Variants in DHX29 observed in about 807,000 individuals in gnomAD.
The protein encoded by DHX29 is ATP-dependent RNA helicase DHX29.
In DHX29, 79 loss-of-function variants were observed where a neutral mutation model predicts 167.9. The ratio of observed to expected loss-of-function variants is 0.47; its 90% CI spans 0.39 to 0.57. The LOEUF (loss-of-function observed/expected upper bound fraction) is 0.57, where lower values mean the gene tolerates loss of function less well. Among genes scored for constraint, DHX29 ranks in the 20% least tolerant of loss-of-function variants. The pLI, the probability that DHX29 is intolerant of heterozygous loss-of-function variation, is 0.00. For synonymous variants in DHX29, 530 were observed against 546.0 expected (o/e 0.97, Z 0.41); for missense variants, 1,347 against 1,593.4 (o/e 0.85, Z 2.63).
chr5:55,302,040 C>G (rs540194643), intron 1 of DHX29, among the ~76,000 whole-genome samples: 1 of 152,078 alleles, frequency 6.6e-6, no homozygotes, highest in Non-Finnish European at 1.5e-5. Flanking sequence ...ATAGTTATAT[C>G]GGAGGTACCC....
rs747582331 is a variant in DHX29, at chr5:55,269,569, G to A, written c.3138C>T (p.Ile1046=). The A allele has an allele frequency of 1.4e-5, 23 of 1,614,082 alleles. No homozygotes were observed. The highest frequency in any genetic ancestry group is 1.7e-5 in the Non-Finnish European group (20 of 1,180,014). Residue 1046 remains isoleucine (I), a synonymous_variant, in exon 21 of 27, where the codon ATC becomes ATT. Coordinates refer to ENST00000251636, the MANE Select transcript of DHX29 (RefSeq NM_019030.4). The part of the protein sequence containing the change: ...KALDPPQLQV[I]SNAMNLLRKI... Reference sequence around the variant, plus strand: ...TTCGGAGCAAATTCATTGCATTGCTGATCACTTGGAGCTGAGGAGGATCTA... The same window carrying A: ...TTCGGAGCAAATTCATTGCATTGCTAATCACTTGGAGCTGAGGAGGATCTA...
Position 55,267,129 on chromosome 5 carries a change from A to G in DHX29, c.3525+9T>C, listed in dbSNP as rs1381194540. On this transcript the variant is annotated intron_variant, in intron 23 of 26. Coordinates refer to ENST00000251636, the MANE Select transcript of DHX29 (RefSeq NM_019030.4). ...TGACTCTGAGTGAGAGATCCATATT[A>G]AGAATTACCTCTAGGGTTAACAGTG... 2 of 1,574,908 alleles carry G rather than the reference A, an allele frequency of 1.3e-6. No homozygotes were observed. Among genetic ancestry groups the G allele is most frequent in the Admixed American group, 3.5e-5 (2 of 57,246 alleles).
At position 55,259,847 on chromosome 5, in the gene DHX29, C is replaced by T; in HGVS notation, c.4057+1G>A. The T allele has an allele frequency of 6.5e-7, 1 of 1,544,696 alleles. No individual in the cohort carries two copies. The highest frequency in any genetic ancestry group is 8.9e-7 in the Non-Finnish European group (1 of 1,117,342). ...TCTTTCACTTATAAGCAAACACTTA[C>T]TTTCAAGGGACATCTTTGGATTTTC... On this transcript the variant is annotated splice_donor_variant, in intron 26 of 26. Coordinates refer to ENST00000251636, the MANE Select transcript of DHX29 (RefSeq NM_019030.4). LOFTEE classifies it high-confidence loss of function.
chr5:55,256,643 C>T (rs1490072837), intron 26 of DHX29, 103 bp from the exon 27 acceptor site: 22 of 934,864 alleles, frequency 2.4e-5, no homozygotes, highest in South Asian at 3.9e-5. Flanking sequence ...AAAATTTTTA[C>T]ATTAGAATAC....
At chr5:55,258,928 G>C (rs1746177980) in intron 26 of DHX29, among the ~76,000 whole-genome samples, 1 of 152,084 alleles carries the variant, frequency 6.6e-6, no homozygotes, top group South Asian at 2.1e-4. Flanking sequence ...AGAAACACAT[G>C]GTGGAAAAAC....
chr5:55,307,353 G>A lies in DHX29; in HGVS notation c.187+34C>T, dbSNP rs760916817. ...CTCAGGACAAGCAGCAAGGTCTCAG[G>A]GCAGACAGCCAGGGGCTGGGGGACC... On this transcript the variant is annotated intron_variant, in intron 1 of 26. Transcript: ENST00000251636. 1.1e-5 allele frequency: 18 copies of A among 1,589,310 alleles called. No homozygotes were observed. In the African/African-American group the frequency reaches 1.6e-4, roughly 14 times the overall value.
At position 55,298,654 on chromosome 5, in the gene DHX29, A is replaced by C. The variant is rs1748438797; in HGVS notation, c.198T>G (p.Ile66Met). 2 of 1,510,968 alleles carry C rather than the reference A, an allele frequency of 1.3e-6. No homozygotes were observed. Among genetic ancestry groups the C allele is most frequent in the Non-Finnish European group, 1.8e-6 (2 of 1,088,578 alleles). 93.6% of individuals were successfully genotyped at this position (1,510,968 alleles called of 1,614,324 possible). The part of the protein sequence containing the change: ...REPRVKQGPK[I>M]YSFNSTNDSS... ...AATCATTTGTAGAATTAAAACTATA[A>C]ATTTTTGGACCTGTAAATACAAATA... The change falls in exon 2 of 27, where the codon ATT becomes ATG. Residue 66 changes from isoleucine to methionine, a missense_variant. Ile to Met is a conservative substitution (Grantham distance 10, BLOSUM62 1). Coordinates refer to ENST00000251636, the MANE Select transcript of DHX29 (RefSeq NM_019030.4).
At chr5:55,304,372 C>T (rs910143912) in intron 1 of DHX29, among the ~76,000 whole-genome samples, 3 of 145,358 alleles carry the variant, frequency 2.1e-5, no homozygotes, top group African/African-American at 7.8e-5. Context: ...AGTGCAGTGG[C>T]ACAATCTCAG....
chr5:55,274,207 AACAGGGGGAG>A (rs1341957767), intron 16 of DHX29, among the ~76,000 whole-genome samples: 1 of 151,936 alleles, frequency 6.6e-6, no homozygotes, highest in East Asian at 1.9e-4. Context: ...CAGCCTGGGC[AACAGGGGGAG>A]ACCTTGTCTC....
At position 55,271,851 on chromosome 5, in the gene DHX29, T is replaced by C. The variant is rs1258181749; in HGVS notation, c.2864+236A>G. Among the ~76,000 whole-genome samples, 4 of 152,296 alleles carry C rather than the reference T, an allele frequency of 2.6e-5. No individual in the cohort carries two copies. The South Asian group carries it at 6.2e-4, about 24-fold the overall frequency. On this transcript the variant is annotated intron_variant, in intron 18 of 26. Transcript: ENST00000251636. ...ATGTTCTGAAAATTTTTCTCAGCAC[T>C]TTTCTAAAAGTAGCAGTATACTGGT...
At chr5:55,300,599 G>T (rs1748549817) in intron 1 of DHX29, among the ~76,000 whole-genome samples, 1 of 152,068 alleles carries the variant, frequency 6.6e-6, no homozygotes, top group Admixed American at 6.5e-5. Context: ...CTTTAACCCA[G>T]GAGGCAGAGG....
intron 10 of DHX29, among the ~76,000 whole-genome samples, 177 bp downstream of exon 10, chr5:55,285,112 CTCTT>C (rs1371465030): frequency 6.6e-6 from 1 of 152,220 alleles, no homozygotes; most frequent in African/African-American, 2.4e-5. Context: ...ATCATACTCT[CTCTT>C]TCAGACTTCT....
chr5:55,284,396 T>C (rs537499416), intron 10 of DHX29, among the ~76,000 whole-genome samples: 54 of 152,332 alleles, frequency 3.5e-4, no homozygotes, highest in African/African-American at 1.2e-3. Context: ...TTATCTCAAT[T>C]CTGTGCTATA....
At chr5:55,274,105 A>G (rs1260826046) in intron 16 of DHX29, among the ~76,000 whole-genome samples, 1 of 151,050 alleles carries the variant, frequency 6.6e-6, no homozygotes, top group African/African-American at 2.4e-5. Context: ...AAAAAAAAAA[A>G]GATGAAGGCT....
Position 55,283,597 on chromosome 5 carries a change from C to A in DHX29, c.1571G>T (p.Trp524Leu). The change falls in exon 11 of 27, where the codon TGG (tryptophan) becomes TTG (leucine). Residue 524 changes from tryptophan (W) to leucine (L), a missense_variant. Coordinates refer to ENST00000251636, the MANE Select transcript of DHX29 (RefSeq NM_019030.4). ...ATCCTCATCCGAAACTAAATTTTCC[C>A]AAGATTCCTCGGGATCTTCAGAGTT... is the stretch of plus-strand genomic sequence containing the variant. ...RENSEDPEES[W>L]ENLVSDEDFS... 1 of 1,614,108 alleles carries A rather than the reference C, an allele frequency of 6.2e-7. No homozygotes were observed. Among genetic ancestry groups the A allele is most frequent in the Non-Finnish European group, 8.5e-7 (1 of 1,180,012 alleles).
rs1030663523 is a variant in DHX29, at chr5:55,307,645, A to G, written c.-72T>C. ...ACCACTGCACAGCCGAGAGCTCTTC[A>G]CATTCCCCGGCTCCGGGGCTGCCAC... On this transcript the variant is annotated 5_prime_UTR_variant, in exon 1 of 27. An upstream open reading frame in the 5' UTR loses its in-frame stop. Coordinates refer to ENST00000251636, the MANE Select transcript of DHX29 (RefSeq NM_019030.4). 5.1e-6 allele frequency: 8 copies of G among 1,562,768 alleles called. No homozygotes were observed. In the South Asian group the frequency reaches 6.8e-5, roughly 13 times the overall value.
At chr5:55,295,255 C>T (rs1748255055) in intron 5 of DHX29, 124 bp downstream of exon 5, 2 of 761,078 alleles carry the variant, frequency 2.6e-6, no homozygotes, top group African/African-American at 1.8e-5. Context: ...AAAAGTCTAG[C>T]AAACCAATTA....
intron 6 of DHX29, among the ~76,000 whole-genome samples, chr5:55,293,482 A>G (rs1283963651): frequency 6.6e-6 from 1 of 152,118 alleles, no homozygotes; most frequent in Non-Finnish European, 1.5e-5. Context: ...AGCCATTCTG[A>G]TGGATATATA....
chr5:55,285,625 A>C (rs1747680399), intron 9 of DHX29, 71 bp downstream of exon 9: 1 of 1,468,766 alleles, frequency 6.8e-7, no homozygotes, highest in Non-Finnish European at 9.1e-7. Context: ...ACAGGGAACA[A>C]AAAGATTTCC....
Sources: gnomAD v4.1 joint callset for allele counts (sites outside exome capture counted in the v4.1 genomes callset) on GRCh38, gnomAD v4.1.1 for gene constraint, MANE v1.5 for transcripts, NCBI Gene and HGNC (gene_info 2026-07-23, HGNC 2026-07-21) for gene names.